Variants in HECW2 observed in about 807,000 individuals in gnomAD.
HECW2 encodes HECT, C2 and WW domain containing E3 ubiquitin protein ligase 2.
A neutral mutation model predicts 175.2 loss-of-function variants in HECW2; 61 were observed. The ratio of observed to expected loss-of-function variants is 0.35; its 90% CI spans 0.28 to 0.43. HECW2 has a LOEUF of 0.43. Among genes scored for constraint, HECW2 ranks in the 20% least tolerant of loss-of-function variants. HECW2 has a pLI of 1.00. For synonymous variants in HECW2, 671 were observed against 731.0 expected (o/e 0.92, Z 1.32); for missense variants, 1,524 against 2,000.5 (o/e 0.76, Z 4.54).
At chr2:196,310,277 A>G (rs1691443469) in intron 10 of HECW2, among the ~76,000 whole-genome samples, 1 of 152,228 alleles carries the variant, frequency 6.6e-6, no homozygotes, top group South Asian at 2.1e-4. Context: ...CACTGAACAC[A>G]TATTAAAATT....
intron 1 of HECW2, among the ~76,000 whole-genome samples, chr2:196,553,729 G>C (rs1482615100): frequency 2.0e-5 from 3 of 152,164 alleles, no homozygotes; most frequent in Admixed American, 2.0e-4. Context: ...TGGCTCACTA[G>C]ACCAAAGAAA....
chr2:196,522,959 G>A (rs1246153738), intron 1 of HECW2, among the ~76,000 whole-genome samples: 2 of 152,024 alleles, frequency 1.3e-5, no homozygotes, highest in East Asian at 1.9e-4. Flanking sequence ...TTGGTGATGC[G>A]GGCTCTTTTT....
chr2:196,575,273 C>A (rs1285388344), intron 1 of HECW2, among the ~76,000 whole-genome samples: 2 of 151,694 alleles, frequency 1.3e-5, no homozygotes, highest in African/African-American at 4.8e-5. Flanking sequence ...ACAATATTGG[C>A]AAGAATTTGG....
chr2:196,282,543 G>C (rs562649020), intron 14 of HECW2, among the ~76,000 whole-genome samples: 1 of 152,226 alleles, frequency 6.6e-6, no homozygotes, highest in African/African-American at 2.4e-5. Context: ...GAGACAACTG[G>C]AAGCAGGGGT....
At chr2:196,210,689 C>T (rs2105786045) in intron 28 of HECW2, among the ~76,000 whole-genome samples, 2 of 152,084 alleles carry the variant, frequency 1.3e-5, no homozygotes, top group Middle Eastern at 3.4e-3. Context: ...TCTTGGCTCA[C>T]TGCAACCTCC....
intron 1 of HECW2, among the ~76,000 whole-genome samples, chr2:196,511,511 A>G (rs79713629): frequency 0.012 from 1,852 of 152,344 alleles, 45 homozygotes; most frequent in African/African-American, 0.042. Flanking sequence ...TGCCAGATAC[A>G]AGAGCAGTGG....
At chr2:196,378,269 C>T (rs540768126) in intron 2 of HECW2, among the ~76,000 whole-genome samples, 2 of 152,204 alleles carry the variant, frequency 1.3e-5, no homozygotes, top group African/African-American at 4.8e-5. Context: ...CACCCCCATA[C>T]ACACACAATT....
intron 3 of HECW2, among the ~76,000 whole-genome samples, chr2:196,335,978 C>T (rs567222041): frequency 6.6e-6 from 1 of 152,124 alleles, no homozygotes; most frequent in African/African-American, 2.4e-5. Flanking sequence ...AGCACCAGGT[C>T]GAACAGCATA....
chr2:196,342,550 A>G (rs1232362336), intron 3 of HECW2, among the ~76,000 whole-genome samples: 1 of 152,128 alleles, frequency 6.6e-6, no homozygotes, highest in Non-Finnish European at 1.5e-5. Context: ...TTTCAATAAT[A>G]TTGGTGGCAA....
At chr2:196,233,433 T>G (rs1300310811) in intron 21 of HECW2, among the ~76,000 whole-genome samples, 1 of 152,176 alleles carries the variant, frequency 6.6e-6, no homozygotes, top group Admixed American at 6.5e-5. Context: ...TATTTTCAAC[T>G]AAGAATTACT....
intron 1 of HECW2, among the ~76,000 whole-genome samples, chr2:196,522,011 C>G (rs955847197): frequency 2.0e-5 from 3 of 152,142 alleles, no homozygotes; most frequent in African/African-American, 2.4e-5. Context: ...AATGGGATGG[C>G]TGGGTCAAAT....
chr2:196,530,783 C>CCTAA (rs1460050651), intron 1 of HECW2, among the ~76,000 whole-genome samples: 2 of 152,308 alleles, frequency 1.3e-5, no homozygotes, highest in East Asian at 3.9e-4. Flanking sequence ...TATACTAAAT[C>CCTAA]CTAACTGTTC....
At chr2:196,397,129 CAAAACAAAAAAAAAA>C (rs1237727925) in intron 2 of HECW2, among the ~76,000 whole-genome samples, 3 of 17,122 alleles carry the variant, frequency 1.8e-4, no homozygotes, top group Admixed American at 1.4e-3. Flanking sequence ...CAAAACAAAA[CAAAACAAAAAAAAAA>C]AAAACAAAAA....
chr2:196,322,669 G>T (rs1342105346), intron 6 of HECW2, 49 bp from the exon 7 acceptor site: 1 of 1,496,754 alleles, frequency 6.7e-7, no homozygotes, highest in East Asian at 2.3e-5. Context: ...AGACAAATAT[G>T]ATACTATATC....
chr2:196,268,606 C>T (rs1689606310), intron 17 of HECW2, among the ~76,000 whole-genome samples: 1 of 152,148 alleles, frequency 6.6e-6, no homozygotes, highest in African/African-American at 2.4e-5. Flanking sequence ...CACCTAATCT[C>T]TCTGATGGTG....
At chr2:196,338,163 G>A (rs1176291911) in intron 3 of HECW2, among the ~76,000 whole-genome samples, 1 of 152,182 alleles carries the variant, frequency 6.6e-6, no homozygotes, top group Non-Finnish European at 1.5e-5. Flanking sequence ...GGGAGGCGGA[G>A]GGGCTTTGAA....
rs542352751 is a variant in HECW2 at position 196,567,563 on chromosome 2, G to A, written c.-36+25945C>T. Among the ~76,000 whole-genome samples the A allele has an allele frequency of 2.0e-3, 300 of 152,288 alleles. 13 individuals are homozygous for A. The South Asian group carries it at 0.059, about 30-fold the overall frequency. ...CCTGTCACCTGAGACTCCCTTGAAG[G>A]CAGGCGGAATCACATGCCTATAGAG... On this transcript the variant is annotated intron_variant, in intron 1 of 28. Coordinates refer to ENST00000644978, the MANE Select transcript of HECW2 (RefSeq NM_001348768.2).
chr2:196,372,646 T>C (rs541633968), intron 2 of HECW2, among the ~76,000 whole-genome samples: 29 of 152,334 alleles, frequency 1.9e-4, no homozygotes, highest in African/African-American at 7.0e-4. Context: ...TTTTCCTCCC[T>C]ACCTAATTGT....
At chr2:196,555,045 CA>C (rs1208417678) in intron 1 of HECW2, among the ~76,000 whole-genome samples, 1 of 151,960 alleles carries the variant, frequency 6.6e-6, no homozygotes, top group Non-Finnish European at 1.5e-5. Flanking sequence ...CAAGGTCGCC[CA>C]AAATACAGAC....
Sources: gnomAD v4.1 joint callset for allele counts (sites outside exome capture counted in the v4.1 genomes callset) on GRCh38, gnomAD v4.1.1 for gene constraint, MANE v1.5 for transcripts, NCBI Gene and HGNC (gene_info 2026-07-23, HGNC 2026-07-21) for gene names.